Variants in KANK1 observed in about 807,000 individuals in gnomAD.
The protein encoded by KANK1 is KN motif and ankyrin repeat domain-containing protein 1.
KANK1 carries 109 observed loss-of-function variants against 106.2 expected under a neutral mutation model. The ratio of observed to expected loss-of-function variants is 1.03; its 90% CI spans 0.88 to 1.20. The LOEUF (loss-of-function observed/expected upper bound fraction) is 1.20. KANK1 is among the 50% of genes most tolerant of loss of function. The probability of loss-of-function intolerance (pLI) is 0.00; values close to 1 mark genes in which losing one functional copy is unlikely to be tolerated. For synonymous variants in KANK1, 873 were observed against 652.2 expected (o/e 1.34, Z -5.16); for missense variants, 2,399 against 1,710.7 (o/e 1.40, Z -7.10).
At chr9:525,976 C>T (rs1587509344) in intron 1 of KANK1, among the ~76,000 whole-genome samples, 2 of 151,858 alleles carry the variant, frequency 1.3e-5, no homozygotes, top group East Asian at 3.9e-4. Context: ...TTACCTGAAG[C>T]CATTGACAAA....
At position 540,080 on chromosome 9, in the gene KANK1, A is replaced by C. The variant is rs73371017; in HGVS notation, c.-84+35326A>C. 6.7e-3 allele frequency among the ~76,000 whole-genome samples: 1,027 copies of C among 152,302 alleles called. 16 individuals carry two copies. Among genetic ancestry groups the C allele is most frequent in the African/African-American group, 0.023 (937 of 41,550 alleles). Reference sequence around the variant, plus strand: ...AACTTCTAGTACTATATTGAATAGAAGTGGTTAAGAGTGGGCATCCTGTTT... The same window carrying C: ...AACTTCTAGTACTATATTGAATAGACGTGGTTAAGAGTGGGCATCCTGTTT... On this transcript the variant is annotated intron_variant, in intron 1 of 11. Transcript: ENST00000382297.
chr9:607,409 C>T (rs911572871), intron 1 of KANK1, among the ~76,000 whole-genome samples: 4 of 140,650 alleles, frequency 2.8e-5, no homozygotes, highest in Admixed American at 1.6e-4. Flanking sequence ...CGCTTGAATC[C>T]GGGAAGCAGA....
chr9:653,998 G>T (rs878914996), intron 1 of KANK1, among the ~76,000 whole-genome samples: 1 of 152,218 alleles, frequency 6.6e-6, no homozygotes, highest in Non-Finnish European at 1.5e-5. Flanking sequence ...TACAGCCAAA[G>T]ACTGTTCATT....
At chr9:615,060 C>G (rs1831478918) in intron 1 of KANK1, among the ~76,000 whole-genome samples, 1 of 151,958 alleles carries the variant, frequency 6.6e-6, no homozygotes, top group Non-Finnish European at 1.5e-5. Flanking sequence ...CTTACTCAGC[C>G]TTCCGAGTAG....
chr9:636,233 T>C (rs2136985417), intron 1 of KANK1, among the ~76,000 whole-genome samples: 1 of 152,284 alleles, frequency 6.6e-6, no homozygotes, highest in South Asian at 2.1e-4. Context: ...AGCTCTGCTC[T>C]TAGATCTTTA....
At position 712,837 on chromosome 9, in the gene KANK1, C is replaced by G. The variant is rs1254447777; in HGVS notation, c.2071C>G (p.Leu691Val). The G allele has an allele frequency of 1.9e-6, 3 of 1,613,958 alleles. No homozygotes were observed. The highest frequency in any genetic ancestry group is 2.5e-6 in the Non-Finnish European group (3 of 1,179,988). ...GTTCACCAACACCGAGACGGCCACC[C>G]TCATAGAGTCCTGCACCAACACTTG... ...HQFTNTETATLIESCTNTCLS... is the reference protein window; with the variant it reads ...HQFTNTETATVIESCTNTCLS... The change falls in exon 3 of 12, where the codon CTC (leucine) becomes GTC (valine). Residue 691 changes from leucine to valine, a missense_variant. Leu to Val is a conservative substitution (Grantham distance 32, BLOSUM62 1). Coordinates refer to ENST00000382297, the MANE Select transcript of KANK1 (RefSeq NM_015158.5).
intron 1 of KANK1, among the ~76,000 whole-genome samples, chr9:546,432 G>A (rs7857873): frequency 1.3e-5 from 2 of 151,914 alleles, no homozygotes; most frequent in South Asian, 2.1e-4. Context: ...GCTGAGAAAC[G>A]CTGGTGTCTG....
intron 4 of KANK1, chr9:730,892 G>A: frequency 3.6e-6 from 1 of 280,358 alleles, no homozygotes; most frequent in African/African-American, 2.3e-5. Context: ...AAGCAGTAAA[G>A]CCGGATACAA....
chr9:672,885 G>T (rs1201441322), intron 1 of KANK1, among the ~76,000 whole-genome samples: 3 of 152,004 alleles, frequency 2.0e-5, no homozygotes, highest in East Asian at 3.8e-4. Context: ...AAATCGTTTC[G>T]CAGGAGTGGT....
In KANK1 at chr9:712,182, A is replaced by G. The variant is rs758380395; in HGVS notation, c.1416A>G (p.Leu472=). ...CCTTGAAGGAAAAGATCTATCGCCT[A>G]GAAGTACAGCTTAGAGAAACCACCC... ...IESLKEKIYR[L]EVQLRETTHD... is the part of the protein sequence containing the mutation. Residue 472 remains leucine, a synonymous_variant, in exon 3 of 12, where the codon CTA becomes CTG. Coordinates refer to ENST00000382297, the MANE Select transcript of KANK1 (RefSeq NM_015158.5). 1.2e-5 allele frequency: 20 copies of G among 1,614,188 alleles called. No homozygotes were observed. The highest frequency in any genetic ancestry group is 1.7e-5 in the Non-Finnish European group (20 of 1,180,042).
intron 2 of KANK1, among the ~76,000 whole-genome samples, chr9:688,243 G>A (rs1279505217): frequency 2.0e-5 from 3 of 152,170 alleles, no homozygotes; most frequent in South Asian, 2.1e-4. Flanking sequence ...ACACTCTTGC[G>A]TTCTGCCTCC....
At chr9:625,341 T>C (rs184804377) in intron 1 of KANK1, among the ~76,000 whole-genome samples, 4 of 152,356 alleles carry the variant, frequency 2.6e-5, no homozygotes, top group African/African-American at 7.2e-5. Context: ...AACATTTGAA[T>C]CTTTAAGAAC....
intron 3 of KANK1, chr9:477,621 T>G (rs78247266): frequency 1.3e-5 from 2 of 152,196 alleles, no homozygotes; most frequent in African/African-American, 2.4e-5. Context: ...GCTTCTCCAT[T>G]CAGGGCTGAT....
chr9:664,624 C>G (rs1034185839), intron 1 of KANK1, among the ~76,000 whole-genome samples: 3 of 152,168 alleles, frequency 2.0e-5, no homozygotes, highest in African/African-American at 2.4e-5. Context: ...ATGGATAGTG[C>G]TGCAATAAAC....
chr9:503,697 C>T (rs890435413), upstream of KANK1, among the ~76,000 whole-genome samples: 2 of 152,074 alleles, frequency 1.3e-5, no homozygotes, highest in South Asian at 4.2e-4. Flanking sequence ...TGAGTAATAC[C>T]TGGTTTTTAT....
At chr9:729,152 T>G (rs1441009064) in intron 3 of KANK1, among the ~76,000 whole-genome samples, 1 of 152,232 alleles carries the variant, frequency 6.6e-6, no homozygotes, top group African/African-American at 2.4e-5. Flanking sequence ...CTTCGGTCAG[T>G]ATACAGATTT....
At chr9:622,360 G>T (rs10815354) in intron 1 of KANK1, among the ~76,000 whole-genome samples, 9,103 of 152,100 alleles carry the variant, frequency 0.06, 737 homozygotes, top group East Asian at 0.24. Flanking sequence ...CATGGTCACT[G>T]CCCTGGAAAG....
intron 1 of KANK1, among the ~76,000 whole-genome samples, chr9:662,429 C>G (rs1204187976): frequency 3.3e-5 from 5 of 152,130 alleles, no homozygotes; most frequent in Non-Finnish European, 5.9e-5. Context: ...TTAAACTATA[C>G]TACAAGGCTT....
At position 742,417 on chromosome 9, in the gene KANK1, C is replaced by T; in HGVS notation, c.3897+12C>T. 6.2e-7 allele frequency: 1 copy of T among 1,601,366 alleles called. No homozygotes were observed. On this transcript the variant is annotated intron_variant, in intron 10 of 11. Coordinates refer to ENST00000382297, the MANE Select transcript of KANK1 (RefSeq NM_015158.5). ...ACCTAGAGGACAACGTAAGCTGTCT[C>T]CATTGGGCCTCCTGGCCAGGGGTCT... is the stretch of plus-strand genomic sequence containing the variant.
Sources: allele counts gnomAD v4.1 joint callset (sites outside exome capture counted in the v4.1 genomes callset), GRCh38; gene constraint gnomAD v4.1.1; transcripts MANE v1.5; gene names NCBI Gene and HGNC (gene_info 2026-07-23, HGNC 2026-07-21).